RNLS: variants seen among roughly 807,000 people sequenced by gnomAD.
RNLS encodes the protein renalase.
Under a neutral mutation model 39.8 loss-of-function variants are expected in RNLS, and 39 were observed. That is an observed-to-expected ratio of 0.98 (90% CI 0.76 to 1.28). The LOEUF (loss-of-function observed/expected upper bound fraction) is 1.28, where lower values mean the gene tolerates loss of function less well. RNLS is among the 50% of genes most tolerant of loss of function. RNLS has a pLI of 0.00. For synonymous variants in RNLS, 147 were observed against 150.7 expected (o/e 0.98, Z 0.18); for missense variants, 410 against 413.3 (o/e 0.99, Z 0.07).
chr10:88,388,818 G>A lies in RNLS; in HGVS notation c.527-26093C>T, dbSNP rs141637922. ...CATTAAGACAAGGATCAGGTCAATT[G>A]CCCTCATCACTGTATCCCCAGAGCT... is the stretch of plus-strand genomic sequence containing the variant. On this transcript the variant is annotated intron_variant, in intron 4 of 6. Coordinates refer to ENST00000331772, the MANE Select transcript of RNLS (RefSeq NM_001031709.3). 7.3e-3 allele frequency among the ~76,000 whole-genome samples: 1,112 copies of A among 152,184 alleles called. 17 individuals carry two copies. Among genetic ancestry groups the A allele is most frequent in the East Asian group, 0.022 (112 of 5,176 alleles).
intron 3 of RNLS, among the ~76,000 whole-genome samples, chr10:88,581,327 A>G (rs1300038456): frequency 7.2e-6 from 1 of 137,984 alleles, no homozygotes. Flanking sequence ...CATCTATAAT[A>G]TCTATATTAT....
At chr10:88,575,253 G>T (rs1850131728) in intron 3 of RNLS, among the ~76,000 whole-genome samples, 1 of 131,772 alleles carries the variant, frequency 7.6e-6, no homozygotes, top group African/African-American at 2.9e-5. Flanking sequence ...TATACACCAA[G>T]GTGTATATGT....
Position 88,583,298 on chromosome 10 carries a change from C to CCCTGGGCCGA in RNLS, c.-118_-109dup, listed in dbSNP as rs1850772159. 6.6e-7 allele frequency: 1 copy of CCCTGGGCCGA among 1,508,550 alleles called. No homozygotes were observed. Among genetic ancestry groups the CCCTGGGCCGA allele is most frequent in the African/African-American group, 1.4e-5 (1 of 71,480 alleles). The allele number at this position is 1,508,550 out of a possible 1,614,324, so 93.4% of individuals were successfully genotyped here. A position where few individuals can be genotyped will look rare whatever the true frequency, so the allele number is the denominator to read the frequency against. On this transcript the variant is annotated 5_prime_UTR_variant, in exon 1 of 7. Transcript: ENST00000331772. ...CGCTAGCGCTCTTTGGTTCCGTGCT[C>CCCTGGGCCGA]CCTGGGCCGACCTGGGCCCTGAGCT...
chr10:88,321,970 C>A (rs1201422757), intron 5 of RNLS, among the ~76,000 whole-genome samples: 1 of 152,140 alleles, frequency 6.6e-6, no homozygotes, highest in African/African-American at 2.4e-5. Flanking sequence ...CCAGTATCAT[C>A]CAAAATCTGG....
chr10:88,180,040 T>A, the RNLS span, among the ~76,000 whole-genome samples: 2 of 152,220 alleles, frequency 1.3e-5, no homozygotes, highest in African/African-American at 4.8e-5. Flanking sequence ...GTATACAGTA[T>A]GTTCTTACGG....
At chr10:88,256,138 C>T in the RNLS span, among the ~76,000 whole-genome samples, 1 of 152,190 alleles carries the variant, frequency 6.6e-6, no homozygotes, top group Non-Finnish European at 1.5e-5. Flanking sequence ...AGTGTAAAGG[C>T]TTTCCCTTCT....
intron 5 of RNLS, among the ~76,000 whole-genome samples, chr10:88,336,322 G>T (rs1442782323): frequency 6.6e-6 from 1 of 152,186 alleles, no homozygotes; most frequent in South Asian, 2.1e-4. Flanking sequence ...TTAAATAAAG[G>T]CTAGGAAGGG....
chr10:88,351,118 T>A (rs1316692215), intron 5 of RNLS, among the ~76,000 whole-genome samples: 1 of 152,236 alleles, frequency 6.6e-6, no homozygotes, highest in South Asian at 2.1e-4. Flanking sequence ...CTTTCTAGAT[T>A]CAGGATATTA....
chr10:88,458,328 G>A (rs993372405), intron 4 of RNLS, among the ~76,000 whole-genome samples: 2 of 152,178 alleles, frequency 1.3e-5, no homozygotes, highest in African/African-American at 4.8e-5. Context: ...TCCAAATGGA[G>A]CTTCCTTTCT....
intron 4 of RNLS, among the ~76,000 whole-genome samples, chr10:88,460,770 T>C (rs757452213): frequency 1.3e-5 from 2 of 152,120 alleles, no homozygotes; most frequent in African/African-American, 2.4e-5. Context: ...CCTCTGACTG[T>C]TTTTGGGTTC....
At chr10:88,581,294 G>GTATGTATATA (rs1850532452) in intron 3 of RNLS, among the ~76,000 whole-genome samples, 1 of 129,870 alleles carries the variant, frequency 7.7e-6, no homozygotes, top group Admixed American at 8.1e-5. Context: ...GTGTGTGTGT[G>GTATGTATATA]TATATATATA....
chr10:88,415,149 G>A (rs1341345584), intron 4 of RNLS, among the ~76,000 whole-genome samples: 1 of 152,194 alleles, frequency 6.6e-6, no homozygotes, highest in Admixed American at 6.5e-5. Context: ...GAGGATCAGG[G>A]TAAACATTCC....
chr10:88,426,370 A>T (rs530807739), intron 4 of RNLS, among the ~76,000 whole-genome samples: 1 of 152,124 alleles, frequency 6.6e-6, no homozygotes, highest in African/African-American at 2.4e-5. Context: ...TCAATATTGT[A>T]ACATAGGACA....
intron 4 of RNLS, among the ~76,000 whole-genome samples, chr10:88,397,607 AAAT>A (rs962584232): frequency 6.6e-6 from 1 of 151,980 alleles, no homozygotes; most frequent in Non-Finnish European, 1.5e-5. Flanking sequence ...AGAAGAAAAA[AAAT>A]AATAACTATT....
At chr10:88,454,367 T>A (rs1842511719) in intron 4 of RNLS, among the ~76,000 whole-genome samples, 1 of 152,166 alleles carries the variant, frequency 6.6e-6, no homozygotes. Flanking sequence ...AGATCCACCT[T>A]TTCCCTTAGG....
At chr10:88,300,976 T>G (rs1231545159) in intron 6 of RNLS, among the ~76,000 whole-genome samples, 1 of 152,192 alleles carries the variant, frequency 6.6e-6, no homozygotes, top group South Asian at 2.1e-4. Flanking sequence ...CAATTTTAAG[T>G]ATTAATGCTG....
the RNLS span, among the ~76,000 whole-genome samples, chr10:88,227,571 G>T: frequency 2.6e-3 from 396 of 152,268 alleles, 1 homozygote; most frequent in African/African-American, 9.0e-3. Flanking sequence ...GTTCTGTGAG[G>T]GACCAGTGCT....
the RNLS span, among the ~76,000 whole-genome samples, chr10:88,220,997 T>C: frequency 6.6e-6 from 1 of 152,316 alleles, no homozygotes; most frequent in East Asian, 1.9e-4. Context: ...CCAGGCTCTT[T>C]CCACTCTGGT....
At position 88,443,615 on chromosome 10, in the gene RNLS, C is replaced by A. The variant is rs543501138; in HGVS notation, c.527-80890G>T. Among the ~76,000 whole-genome samples the A allele has an allele frequency of 4.6e-5, 7 of 152,340 alleles. No homozygotes were observed. The South Asian group carries it at 1.4e-3, about 32-fold the overall frequency. On this transcript the variant is annotated intron_variant, in intron 4 of 6. Coordinates refer to ENST00000331772, the MANE Select transcript of RNLS (RefSeq NM_001031709.3). ...CCTGGAAAATCAGGTCACTCCCACC[C>A]TAATACTGCACTTTTCCAATGGTCT...
Sources: allele counts gnomAD v4.1 joint callset (sites outside exome capture counted in the v4.1 genomes callset), GRCh38; gene constraint gnomAD v4.1.1; transcripts MANE v1.5; gene names NCBI Gene and HGNC (gene_info 2026-07-23, HGNC 2026-07-21).